SYT9: variants seen among roughly 807,000 people sequenced by gnomAD.
The protein encoded by SYT9 is synaptotagmin-9.
SYT9 carries 22 observed loss-of-function variants against 48.4 expected under a neutral mutation model. The observed-to-expected ratio is 0.45, with a 90% CI of 0.32 to 0.65. The LOEUF is 0.65. SYT9 is among the 30% of genes least tolerant of loss of function. The pLI, the probability that SYT9 is intolerant of heterozygous loss-of-function variation, is 0.03. For synonymous variants in SYT9, 265 were observed against 245.0 expected (o/e 1.08, Z -0.76); for missense variants, 577 against 622.0 (o/e 0.93, Z 0.77).
intron 3 of SYT9, among the ~76,000 whole-genome samples, chr11:7,367,098 TCG>T (rs1850264382): frequency 8.0e-5 from 9 of 112,988 alleles, no homozygotes; most frequent in East Asian, 3.2e-4. Flanking sequence ...TTTTTTTTTT[TCG>T]AGACGGAGCC....
chr11:7,306,305 T>G (rs965374721), intron 2 of SYT9, among the ~76,000 whole-genome samples: 12 of 152,328 alleles, frequency 7.9e-5, no homozygotes, highest in African/African-American at 2.9e-4. Flanking sequence ...TGAAAGTTCA[T>G]CCTATTTTTC....
At chr11:7,431,543 C>T (rs899394145) in intron 6 of SYT9, among the ~76,000 whole-genome samples, 1 of 152,246 alleles carries the variant, frequency 6.6e-6, no homozygotes, top group Non-Finnish European at 1.5e-5. Context: ...CAGGTGCTAA[C>T]ATCCAAGACA....
At chr11:7,413,199 C>T (rs1251849920) in intron 3 of SYT9, among the ~76,000 whole-genome samples, 1 of 152,188 alleles carries the variant, frequency 6.6e-6, no homozygotes, top group Non-Finnish European at 1.5e-5. Flanking sequence ...GCTCATGCCT[C>T]AGTCCCCCAG....
At chr11:7,370,363 C>G (rs1850339853) in intron 3 of SYT9, among the ~76,000 whole-genome samples, 1 of 152,020 alleles carries the variant, frequency 6.6e-6, no homozygotes, top group African/African-American at 2.4e-5. Context: ...CCTTTTGCCC[C>G]TATTTTGAAG....
intron 1 of SYT9, among the ~76,000 whole-genome samples, chr11:7,253,770 G>A (rs144465742): frequency 5.3e-5 from 8 of 152,306 alleles, no homozygotes; most frequent in Non-Finnish European, 1.2e-4. Flanking sequence ...GTGATGTGCT[G>A]AATAAACCAC....
intron 3 of SYT9, among the ~76,000 whole-genome samples, chr11:7,322,283 C>T (rs1247970082): frequency 6.6e-6 from 1 of 152,278 alleles, no homozygotes; most frequent in Non-Finnish European, 1.5e-5. Flanking sequence ...CACCACTACA[C>T]GTAGTGCTGA....
chr11:7,301,117 G>A lies in SYT9; in HGVS notation c.146-1922G>A, dbSNP rs188282143. 1.8e-3 allele frequency among the ~76,000 whole-genome samples: 271 copies of A among 152,296 alleles called. 2 individuals are homozygous for A. The highest frequency in any genetic ancestry group is 6.3e-3 in the African/African-American group (263 of 41,544). On this transcript the variant is annotated intron_variant, in intron 1 of 6. Coordinates refer to ENST00000318881, the MANE Select transcript of SYT9 (RefSeq NM_175733.4). ...CCTGGTTAACTGATGAATTGATGAT[G>A]CCCTTTCTTATTTTCCATTGCTTAT...
At chr11:7,437,575 G>A (rs1248348511) in intron 6 of SYT9, 2 of 151,640 alleles carry the variant, frequency 1.3e-5, no homozygotes, top group Non-Finnish European at 2.9e-5. Context: ...GTGATAAGAA[G>A]GAATATGGAC....
upstream of SYT9, among the ~76,000 whole-genome samples, chr11:7,247,105 A>AT (rs1472794391): frequency 6.6e-6 from 1 of 151,994 alleles, no homozygotes; most frequent in Non-Finnish European, 1.5e-5. Flanking sequence ...TTTAAAAATT[A>AT]TTTTTTATTT....
In SYT9 at chr11:7,252,571, C is replaced by A. The variant is rs1022042743; in HGVS notation, c.145+240C>A. On this transcript the variant is annotated intron_variant, in intron 1 of 6. Transcript: ENST00000318881. The surrounding 1 kb of genome is among the most constrained non-coding windows in gnomAD (Gnocchi z 6.3). ...GTCGGCTAGGGCAGGGTTGGAGGGA[C>A]CACGCCCGCCACCTGCGCTCCCATC... Among the ~76,000 whole-genome samples, 2 of 152,258 alleles carry A rather than the reference C, an allele frequency of 1.3e-5. No homozygotes were observed. Among genetic ancestry groups the A allele is most frequent in the Admixed American group, 1.3e-4 (2 of 15,302 alleles).
rs532308313 is a variant in SYT9 at position 7,241,968 on chromosome 11, A to G, written c.49+3052A>G. Among the ~76,000 whole-genome samples the G allele has an allele frequency of 4.6e-4, 70 of 152,340 alleles. 2 individuals carry two copies. The South Asian group carries it at 0.015, about 32-fold the overall frequency. On this transcript the variant is annotated intron_variant and NMD_transcript_variant, in intron 1 of 8. Transcript: ENST00000524820. ...TAGCTATGTGACTTTGGGCAGGTGA[A>G]TTAGACTTCAGAGTTTCAATGTTTC... is the stretch of plus-strand genomic sequence containing the variant.
chr11:7,262,267 G>A (rs918520324), intron 1 of SYT9, among the ~76,000 whole-genome samples: 1 of 152,034 alleles, frequency 6.6e-6, no homozygotes, highest in African/African-American at 2.4e-5. Flanking sequence ...AATTTTGAGG[G>A]GAATGACCAG....
chr11:7,255,109 T>G (rs1448797072), intron 1 of SYT9, among the ~76,000 whole-genome samples: 1 of 152,202 alleles, frequency 6.6e-6, no homozygotes, highest in Non-Finnish European at 1.5e-5. Flanking sequence ...GTGAGCACTT[T>G]TGTCCATAGA....
At chr11:7,384,163 T>C (rs1850615687) in intron 3 of SYT9, among the ~76,000 whole-genome samples, 1 of 152,058 alleles carries the variant, frequency 6.6e-6, no homozygotes, top group Non-Finnish European at 1.5e-5. Context: ...TTATTCATGT[T>C]TGTATCATTA....
chr11:7,346,964 CA>C (rs1849811768), intron 3 of SYT9, among the ~76,000 whole-genome samples: 1 of 152,202 alleles, frequency 6.6e-6, no homozygotes, highest in Non-Finnish European at 1.5e-5. Context: ...GGAAACTAAA[CA>C]CAAAGTTTTG....
intron 2 of SYT9, among the ~76,000 whole-genome samples, chr11:7,309,889 C>A (rs943384893): frequency 6.6e-6 from 1 of 152,152 alleles, no homozygotes; most frequent in Non-Finnish European, 1.5e-5. Flanking sequence ...CTCTAACTCT[C>A]TTCTGAATGG....
intron 6 of SYT9, among the ~76,000 whole-genome samples, chr11:7,425,249 G>A (rs1847432157): frequency 6.6e-6 from 1 of 152,240 alleles, no homozygotes; most frequent in South Asian, 2.1e-4. Flanking sequence ...AGTTTTGGGA[G>A]TAGACTTCTT....
intron 3 of SYT9, among the ~76,000 whole-genome samples, chr11:7,338,542 G>A (rs957749693): frequency 2.0e-5 from 3 of 152,086 alleles, no homozygotes; most frequent in Non-Finnish European, 4.4e-5. Flanking sequence ...ATTCTGTTAT[G>A]TTGTGTCTTT....
intron 1 of SYT9, among the ~76,000 whole-genome samples, chr11:7,259,420 T>C (rs2119804387): frequency 6.6e-6 from 1 of 152,272 alleles, no homozygotes; most frequent in African/African-American, 2.4e-5. Flanking sequence ...CTTGTATTTA[T>C]AGTCCCCTGT....
Sources: allele counts gnomAD v4.1 joint callset (sites outside exome capture counted in the v4.1 genomes callset), GRCh38; gene constraint gnomAD v4.1.1; non-coding constraint Gnocchi (gnomAD v3.1); transcripts MANE v1.5; gene names NCBI Gene and HGNC (gene_info 2026-07-23, HGNC 2026-07-21).